CHRM3: variants seen among roughly 807,000 people sequenced by gnomAD.
CHRM3 encodes the protein muscarinic acetylcholine receptor M3.
In CHRM3, 11 loss-of-function variants were observed where a neutral mutation model predicts 41.8. The observed-to-expected ratio is 0.26, with a 90% CI of 0.17 to 0.44. CHRM3 has a LOEUF of 0.44. Among genes scored for constraint, CHRM3 ranks in the 20% least tolerant of loss-of-function variants. The pLI is 1.00. For synonymous variants in CHRM3, 297 were observed against 301.4 expected, an observed-to-expected ratio of 0.99 and a Z score of 0.15; for missense variants, 571 against 745.4, an observed-to-expected ratio of 0.77 and a Z score of 2.72.
At chr1:239,690,376 C>T (rs199621941) in intron 5 of CHRM3, among the ~76,000 whole-genome samples, 19 of 152,078 alleles carry the variant, frequency 1.2e-4, no homozygotes, top group Admixed American at 3.9e-4. Context: ...TGCACCACCA[C>T]GCCCAGCTAA....
chr1:239,523,573 T>G (rs1385246809), intron 2 of CHRM3, among the ~76,000 whole-genome samples: 1 of 152,208 alleles, frequency 6.6e-6, no homozygotes, highest in Non-Finnish European at 1.5e-5. Flanking sequence ...TTACGTTGTT[T>G]CTTGAAAATT....
At chr1:239,402,661 A>G (rs984833122) in intron 1 of CHRM3, among the ~76,000 whole-genome samples, 2 of 152,172 alleles carry the variant, frequency 1.3e-5, no homozygotes, top group African/African-American at 2.4e-5. Context: ...TAGCTGTCCT[A>G]AAAATATTAG....
chr1:239,681,310 A>G (rs1431577853), intron 5 of CHRM3, among the ~76,000 whole-genome samples: 2 of 152,212 alleles, frequency 1.3e-5, no homozygotes, highest in East Asian at 1.9e-4. Flanking sequence ...AGGTGTCATA[A>G]GAAAGTTTTC....
At chr1:239,531,488 A>G (rs1670398547) in intron 2 of CHRM3, among the ~76,000 whole-genome samples, 1 of 152,078 alleles carries the variant, frequency 6.6e-6, no homozygotes, top group Non-Finnish European at 1.5e-5. Flanking sequence ...GATCACGTCA[A>G]TACACATAAA....
chr1:239,549,784 A>G (rs1339439842), intron 3 of CHRM3, among the ~76,000 whole-genome samples: 1 of 151,978 alleles, frequency 6.6e-6, no homozygotes, highest in Non-Finnish European at 1.5e-5. Context: ...ATTCAGTACC[A>G]CAGGGCCAGA....
At chr1:239,530,624 A>T (rs1410122531) in intron 2 of CHRM3, among the ~76,000 whole-genome samples, 4 of 152,194 alleles carry the variant, frequency 2.6e-5, no homozygotes, top group Admixed American at 6.5e-5. Context: ...ATGATTGAAG[A>T]ATAAAGTATG....
chr1:239,622,230 T>C (rs1308968825), intron 3 of CHRM3, among the ~76,000 whole-genome samples: 1 of 152,204 alleles, frequency 6.6e-6, no homozygotes, highest in Non-Finnish European at 1.5e-5. Context: ...AGCTCTCATT[T>C]GGGTGTACAA....
chr1:239,446,156 T>C (rs147030723), intron 1 of CHRM3, among the ~76,000 whole-genome samples: 6,410 of 152,162 alleles, frequency 0.042, 151 homozygotes, highest in Non-Finnish European at 0.049. Flanking sequence ...AGGATGGTCT[T>C]GATCTCCTGA....
At chr1:239,583,122 A>T (rs564259850) in intron 3 of CHRM3, among the ~76,000 whole-genome samples, 31 of 152,266 alleles carry the variant, frequency 2.0e-4, no homozygotes, top group Middle Eastern at 3.4e-3. Flanking sequence ...AGAGCAGTTG[A>T]TAGTTTAGTA....
intron 5 of CHRM3, among the ~76,000 whole-genome samples, chr1:239,825,642 T>C (rs1166842194): frequency 6.6e-6 from 1 of 152,194 alleles, no homozygotes; most frequent in Non-Finnish European, 1.5e-5. Flanking sequence ...CATTGATGGA[T>C]GAATAGGTAA....
At chr1:239,439,572 T>C (rs966508394) in intron 1 of CHRM3, among the ~76,000 whole-genome samples, 2 of 152,190 alleles carry the variant, frequency 1.3e-5, no homozygotes, top group Non-Finnish European at 2.9e-5. Context: ...GGATAAATCC[T>C]GATAAATTGT....
intron 6 of CHRM3, among the ~76,000 whole-genome samples, chr1:239,868,915 G>C (rs959851716): frequency 2.6e-5 from 4 of 152,156 alleles, no homozygotes; most frequent in African/African-American, 9.7e-5. Context: ...TCTGCTTCAC[G>C]TGAAATAAAT....
intron 6 of CHRM3, among the ~76,000 whole-genome samples, chr1:239,853,522 T>C (rs563003315): frequency 1.8e-4 from 28 of 152,162 alleles, no homozygotes; most frequent in African/African-American, 6.5e-4. Context: ...AATAAAACTC[T>C]CTAAGTTCCA....
intron 5 of CHRM3, among the ~76,000 whole-genome samples, chr1:239,726,591 C>T (rs1011249909): frequency 7.2e-5 from 11 of 151,810 alleles, no homozygotes; most frequent in South Asian, 6.2e-4. Context: ...TTAATGGCTT[C>T]AGCAATTACT....
At chr1:239,577,473 GT>G (rs1192412919) in intron 3 of CHRM3, among the ~76,000 whole-genome samples, 1 of 152,172 alleles carries the variant, frequency 6.6e-6, no homozygotes, top group Non-Finnish European at 1.5e-5. Context: ...TATATAAAGT[GT>G]GGTCGGGATT....
At chr1:239,794,748 T>C (rs1187228251) in intron 5 of CHRM3, among the ~76,000 whole-genome samples, 1 of 152,224 alleles carries the variant, frequency 6.6e-6, no homozygotes, top group Non-Finnish European at 1.5e-5. Context: ...TTATAACACA[T>C]GAAACCACTT....
chr1:239,476,798 A>C (rs569545356), intron 1 of CHRM3, among the ~76,000 whole-genome samples: 32 of 152,212 alleles, frequency 2.1e-4, no homozygotes, highest in African/African-American at 6.5e-4. Context: ...TGTTTTCTTC[A>C]ACCTCCACGT....
intron 5 of CHRM3, among the ~76,000 whole-genome samples, chr1:239,811,528 T>A (rs1671115212): frequency 6.6e-6 from 1 of 152,214 alleles, no homozygotes; most frequent in South Asian, 2.1e-4. Context: ...ACAAAGCTAT[T>A]CACAGACTCC....
chr1:239,514,042 T>C lies in CHRM3; in HGVS notation c.-422+21235T>C, dbSNP rs892907208. Among the ~76,000 whole-genome samples the C allele has an allele frequency of 2.5e-4, 38 of 152,302 alleles. 1 individual carries two copies. The highest frequency in any genetic ancestry group is 8.9e-4 in the African/African-American group (37 of 41,584). ...CGCTCTGTCTTGATTAGAGTAGTTTTACAGTAAGCTTTGAAGTTGGGTAAT... is the reference window on the plus strand; with the variant it reads ...CGCTCTGTCTTGATTAGAGTAGTTTCACAGTAAGCTTTGAAGTTGGGTAAT... On this transcript the variant is annotated intron_variant, in intron 2 of 6. Transcript: ENST00000676153.
Sources: allele counts gnomAD v4.1 joint callset (sites outside exome capture counted in the v4.1 genomes callset), GRCh38; gene constraint gnomAD v4.1.1; transcripts MANE v1.5; gene names NCBI Gene and HGNC (gene_info 2026-07-23, HGNC 2026-07-21).